Variants in PIN4 observed in about 807,000 individuals in gnomAD.
The protein encoded by PIN4 is peptidyl-prolyl cis-trans isomerase NIMA-interacting 4.
Under a neutral mutation model 8.3 loss-of-function variants are expected in PIN4, and 3 were observed. The ratio of observed to expected loss-of-function variants is 0.36; its 90% CI spans 0.16 to 0.93. The LOEUF is 0.93. Ranked by LOEUF, PIN4 falls within the 40% of genes least tolerant of loss-of-function variation. The probability of loss-of-function intolerance (pLI) is 0.44; values close to 1 mark genes in which losing one functional copy is unlikely to be tolerated. For synonymous variants in PIN4, 18 were observed against 32.5 expected, an observed-to-expected ratio of 0.55 and a Z score of 1.52; for missense variants, 75 against 100.6, an observed-to-expected ratio of 0.75 and a Z score of 1.09.
intron 3 of PIN4, among the ~76,000 whole-genome samples, chrX:72,226,460 T>C (rs1189487395): frequency 2.7e-5 from 3 of 112,153 alleles, no homozygotes; most frequent in East Asian, 2.8e-4. Context: ...AGTTAACATA[T>C]ACACCGATTC....
At chrX:72,224,646 G>A (rs769870711) in intron 3 of PIN4, among the ~76,000 whole-genome samples, 1 of 111,409 alleles carries the variant, frequency 9.0e-6, no homozygotes, top group Non-Finnish European at 1.9e-5. Context: ...CTCGGAGGCT[G>A]AGGCAAGAGA....
intron 2 of PIN4, among the ~76,000 whole-genome samples, chrX:72,193,266 C>T (rs2042745515): frequency 9.0e-6 from 1 of 111,136 alleles, no homozygotes; most frequent in African/African-American, 3.3e-5. Context: ...ATCAGACAAT[C>T]ACTTTGTGAG....
chrX:72,239,392 C>T (rs958000838), intron 3 of PIN4, among the ~76,000 whole-genome samples: 9 of 112,585 alleles, frequency 8.0e-5, no homozygotes, highest in Non-Finnish European at 1.5e-4. Context: ...CAGATATCTT[C>T]CCTTCCTTGA....
At chrX:72,217,735 A>C (rs1030385038) in intron 3 of PIN4, among the ~76,000 whole-genome samples, 2 of 111,540 alleles carry the variant, frequency 1.8e-5, no homozygotes, top group African/African-American at 6.5e-5. Context: ...ATAAAAAAAA[A>C]CACAAAAAGA....
chrX:72,258,280 C>T (rs1457275012), intron 3 of PIN4, among the ~76,000 whole-genome samples: 2 of 111,807 alleles, frequency 1.8e-5, no homozygotes, highest in East Asian at 2.8e-4. Flanking sequence ...TCTGAGTTAC[C>T]GGATGAAGCA....
chrX:72,218,237 TC>T, intron 3 of PIN4, among the ~76,000 whole-genome samples: 1 of 101,340 alleles, frequency 9.9e-6, no homozygotes, highest in East Asian at 3.2e-4. Flanking sequence ...ACCACTGCAC[TC>T]CAGCCTGGGC....
At chrX:72,191,666 A>G (rs1479450234) in intron 2 of PIN4, among the ~76,000 whole-genome samples, 8 of 112,405 alleles carry the variant, frequency 7.1e-5, no homozygotes, top group Non-Finnish European at 1.3e-4. Flanking sequence ...TAATGAGATA[A>G]GTACTCATCA....
intron 3 of PIN4, among the ~76,000 whole-genome samples, chrX:72,218,201 C>T (rs1457773577): frequency 1.9e-5 from 2 of 105,709 alleles, no homozygotes; most frequent in African/African-American, 3.5e-5. Context: ...ACCTGGGAGG[C>T]GGAGCTTGCA....
At chrX:72,257,828 G>A (rs767402133) in intron 3 of PIN4, among the ~76,000 whole-genome samples, 29 of 111,630 alleles carry the variant, frequency 2.6e-4, no homozygotes, top group Non-Finnish European at 4.5e-4. Context: ...GAGTACACAG[G>A]GCTGTTGTGA....
At chrX:72,202,156 A>T (rs1388814281), downstream of PIN4, among the ~76,000 whole-genome samples, 1 of 112,924 alleles carries the variant, frequency 8.9e-6, no homozygotes, top group African/African-American at 3.2e-5. Flanking sequence ...ATGAAAGGAA[A>T]TGCTATATTT....
At chrX:72,237,002 G>A (rs191153069) in intron 3 of PIN4, among the ~76,000 whole-genome samples, 33 of 112,078 alleles carry the variant, frequency 2.9e-4, no homozygotes, top group African/African-American at 9.7e-4. Context: ...ACACCAGCCT[G>A]AGAGAATATA....
intron 3 of PIN4, among the ~76,000 whole-genome samples, chrX:72,233,670 C>T (rs1232306917): frequency 2.9e-5 from 3 of 102,097 alleles, no homozygotes; most frequent in East Asian, 3.4e-4. Flanking sequence ...TACAGTGAGC[C>T]GAGATTGCGC....
intron 3 of PIN4, among the ~76,000 whole-genome samples, chrX:72,231,442 A>G (rs141051466): frequency 9.3e-4 from 104 of 111,871 alleles, no homozygotes; most frequent in African/African-American, 3.3e-3. Context: ...ATGTTAGTCA[A>G]TGGTACAAAG....
intron 1 of PIN4, chrX:72,186,258 C>G: frequency 2.1e-6 from 1 of 475,579 alleles, no homozygotes. Flanking sequence ...TTAGTGTTAG[C>G]GTATTTTGTG....
At chrX:72,192,013 G>A (rs917291965) in intron 2 of PIN4, among the ~76,000 whole-genome samples, 7 of 110,339 alleles carry the variant, frequency 6.3e-5, no homozygotes, top group East Asian at 2.8e-4. Flanking sequence ...GTGCAGTGGC[G>A]CGATCTTGGC....
intron 2 of PIN4, among the ~76,000 whole-genome samples, chrX:72,190,695 G>C (rs1445248093): frequency 9.0e-6 from 1 of 111,044 alleles, no homozygotes; most frequent in Non-Finnish European, 1.9e-5. Flanking sequence ...GCTCATGCCT[G>C]TACTCCTGGC....
At chrX:72,205,594 T>C in intron 3 of PIN4, 1 of 1,211,439 alleles carries the variant, frequency 8.3e-7, no homozygotes, top group South Asian at 1.8e-5. Context: ...AGCATCAAAT[T>C]GTTTCACAGA....
intron 3 of PIN4, among the ~76,000 whole-genome samples, chrX:72,240,579 C>T (rs2043044886): frequency 9.0e-6 from 1 of 110,653 alleles, no homozygotes; most frequent in South Asian, 3.9e-4. Flanking sequence ...GAGGCCGAGG[C>T]GGGCGGATCA....
chrX:72,254,367 A>G (rs1217304006), intron 3 of PIN4, among the ~76,000 whole-genome samples: 9 of 111,540 alleles, frequency 8.1e-5, no homozygotes, highest in Non-Finnish European at 1.7e-4. Context: ...TCTTTAAAGT[A>G]GCTACCCCCA....
Sources: gnomAD v4.1 joint callset for allele counts (sites outside exome capture counted in the v4.1 genomes callset) on GRCh38, gnomAD v4.1.1 for gene constraint, MANE v1.5 for transcripts, NCBI Gene and HGNC (gene_info 2026-07-23, HGNC 2026-07-21) for gene names.